The following TNS1 variants were observed in gnomAD, a reference collection of about 807,000 sequenced individuals.
The protein encoded by TNS1 is tensin-1.
TNS1 carries 62 observed loss-of-function variants against 168.6 expected under a neutral mutation model. The ratio of observed to expected loss-of-function variants is 0.37; its 90% CI spans 0.30 to 0.45. TNS1 has a LOEUF of 0.45. Among genes scored for constraint, TNS1 ranks in the 20% least tolerant of loss-of-function variants. TNS1 has a pLI of 1.00. For missense variants in TNS1, 2,240 were observed against 2,339.4 expected, an observed-to-expected ratio of 0.96 and a Z score of 0.88; for synonymous variants, 934 against 933.2, an observed-to-expected ratio of 1.00 and a Z score of -0.02.
chr2:217,863,842 G>C (rs1046791042), intron 18 of TNS1, among the ~76,000 whole-genome samples: 1 of 152,178 alleles, frequency 6.6e-6, no homozygotes, highest in Non-Finnish European at 1.5e-5. Flanking sequence ...TGGGGATAGA[G>C]GGAGGAAGGG....
chr2:217,878,485 G>C (rs75023602), intron 18 of TNS1, among the ~76,000 whole-genome samples: 4,037 of 152,206 alleles, frequency 0.027, 188 homozygotes, highest in African/African-American at 0.09. Flanking sequence ...TCCCCATTTG[G>C]ACATAATAAG....
chr2:217,811,529 C>T (rs1940903849), intron 28 of TNS1, among the ~76,000 whole-genome samples: 1 of 152,152 alleles, frequency 6.6e-6, no homozygotes, highest in Non-Finnish European at 1.5e-5. Flanking sequence ...AATCCTAGGG[C>T]CACAGCCTAG....
chr2:217,988,804 G>A (rs910937581), intron 2 of TNS1, among the ~76,000 whole-genome samples: 4 of 152,182 alleles, frequency 2.6e-5, no homozygotes, highest in African/African-American at 7.2e-5. Flanking sequence ...CCACTCCTGG[G>A]TGCCTTGACA....
At chr2:217,846,688 C>A (rs964105549) in intron 19 of TNS1, among the ~76,000 whole-genome samples, 1 of 152,228 alleles carries the variant, frequency 6.6e-6, no homozygotes, top group Admixed American at 6.5e-5. Context: ...GGAAGGGAAC[C>A]TCGCAGCTGT....
intron 18 of TNS1, among the ~76,000 whole-genome samples, chr2:217,855,578 C>G (rs974054078): frequency 2.0e-5 from 3 of 152,018 alleles, no homozygotes; most frequent in East Asian, 3.9e-4. Flanking sequence ...CTCTCTCTCT[C>G]TCCCTCTCCC....
intron 3 of TNS1, among the ~76,000 whole-genome samples, chr2:217,947,559 C>G (rs976625270): frequency 6.6e-6 from 1 of 152,054 alleles, no homozygotes; most frequent in Admixed American, 6.5e-5. Context: ...CCTGGAGCAA[C>G]AGAGAGGCCA....
intron 1 of TNS1, among the ~76,000 whole-genome samples, chr2:218,029,369 G>T (rs1017049999): frequency 6.6e-6 from 1 of 152,230 alleles, no homozygotes; most frequent in Non-Finnish European, 1.5e-5. Context: ...TCCGAGACAC[G>T]TGGGTCTTCC....
At chr2:218,027,968 A>C (rs1419804120) in intron 1 of TNS1, among the ~76,000 whole-genome samples, 1 of 152,168 alleles carries the variant, frequency 6.6e-6, no homozygotes, top group Non-Finnish European at 1.5e-5. Flanking sequence ...TGGCAGGAAG[A>C]GGTGGGTAAA....
chr2:217,891,066 T>C, intron 11 of TNS1, 21 bp from the exon 12 acceptor site: 2 of 1,613,586 alleles, frequency 1.2e-6, no homozygotes, highest in East Asian at 2.2e-5. Flanking sequence ...AGACAGGTGG[T>C]CAAAAGAGGC....
intron 18 of TNS1, among the ~76,000 whole-genome samples, chr2:217,857,705 C>T (rs182248105): frequency 1.9e-3 from 285 of 152,318 alleles, no homozygotes; most frequent in African/African-American, 6.6e-3. Flanking sequence ...TCTGCCCTGC[C>T]CTGGATGGCC....
chr2:218,022,634 C>T (rs1231074273), intron 1 of TNS1, among the ~76,000 whole-genome samples: 1 of 151,486 alleles, frequency 6.6e-6, no homozygotes, highest in Non-Finnish European at 1.5e-5. Context: ...GCCTCTGGCT[C>T]ACAGAGGGGG....
chr2:217,877,222 C>T lies in TNS1; in HGVS notation c.1429+3676G>A, dbSNP rs540501477. Among the ~76,000 whole-genome samples the T allele has an allele frequency of 2.2e-3, 336 of 152,280 alleles. 1 individual carries two copies. The highest frequency in any genetic ancestry group is 5.8e-3 in the South Asian group (28 of 4,812). On this transcript the variant is annotated intron_variant, in intron 18 of 32. Transcript: ENST00000682258. The stretch of plus-strand genomic sequence containing the variant: ...ACAGCTGGACCCGTCCCACCATAAA[C>T]GGGCTTCCCTTTGTGGTAGTGAGCC...
At chr2:217,895,098 GA>G in intron 8 of TNS1, 42 bp from the exon 9 acceptor site, 2 of 1,578,522 alleles carry the variant, frequency 1.3e-6, no homozygotes, top group Non-Finnish European at 1.7e-6. Flanking sequence ...AGGTGAGGGT[GA>G]GGAGGGCGGC....
At chr2:217,960,819 C>T (rs1957477603) in intron 3 of TNS1, among the ~76,000 whole-genome samples, 1 of 152,126 alleles carries the variant, frequency 6.6e-6, no homozygotes, top group African/African-American at 2.4e-5. Context: ...CGATCTGTTT[C>T]CCCCTAGGCT....
intron 12 of TNS1, among the ~76,000 whole-genome samples, chr2:217,889,575 C>T (rs1951543234): frequency 2.0e-5 from 3 of 152,238 alleles, no homozygotes; most frequent in South Asian, 2.1e-4. Context: ...TCTCATGTTA[C>T]ACGTCACCTT....
chr2:217,896,840 T>C (rs2125730664), intron 8 of TNS1, among the ~76,000 whole-genome samples: 1 of 152,370 alleles, frequency 6.6e-6, no homozygotes, highest in Admixed American at 6.5e-5. Flanking sequence ...TGCATATACT[T>C]CCGTAGACTT....
Position 217,880,255 on chromosome 2 carries a change from C to T in TNS1, c.1429+643G>A, listed in dbSNP as rs533774576. 1.3e-5 allele frequency among the ~76,000 whole-genome samples: 2 copies of T among 151,914 alleles called. No homozygotes were observed. The highest frequency in any genetic ancestry group is 1.3e-4 in the Admixed American group (2 of 15,294). ...AAGAGACGACCTGAGTTGCAGTGGA[C>T]CATTTGACATAATGTTAGGTTTGTA... On this transcript the variant is annotated intron_variant, in intron 18 of 32. Coordinates refer to ENST00000682258, the MANE Select transcript of TNS1 (RefSeq NM_001387777.1). This position sits in a 1 kb window ranked among gnomAD's most constrained non-coding sequence, Gnocchi z 4.2.
Position 217,880,769 on chromosome 2 carries a change from G to T in TNS1, c.1429+129C>A. On this transcript the variant is annotated intron_variant, in intron 18 of 32. Coordinates refer to ENST00000682258, the MANE Select transcript of TNS1 (RefSeq NM_001387777.1). This position sits in a 1 kb window ranked among gnomAD's most constrained non-coding sequence, Gnocchi z 4.2. ...CCCAGTTAACGGTGAGCTCTCGGAG[G>T]TACCTCACACTTCCCCTCTGCCTCC... 1.4e-6 allele frequency: 1 copy of T among 705,630 alleles called. No individual in the cohort carries two copies. The highest frequency in any genetic ancestry group is 2.5e-6 in the Non-Finnish European group (1 of 396,814). 43.7% of individuals were successfully genotyped at this position (705,630 alleles called of 1,614,324 possible). A position where few individuals can be genotyped will look rare whatever the true frequency, so the allele number is the denominator to read the frequency against.
chr2:217,895,204 C>T lies in TNS1; in HGVS notation c.544-148G>A, dbSNP rs137880432. 9.6e-4 allele frequency: 750 copies of T among 782,668 alleles called. 6 individuals are homozygous for T. In the African/African-American group the frequency reaches 0.011, roughly 12 times the overall value. 48.5% of individuals were successfully genotyped at this position (782,668 alleles called of 1,614,324 possible). On this transcript the variant is annotated intron_variant, in intron 8 of 32. Coordinates refer to ENST00000682258, the MANE Select transcript of TNS1 (RefSeq NM_001387777.1). Reference sequence around the variant, plus strand: ...GAGCCCACGACAGCATCCAGCAGAGCGTCAATGTCCTCTCACGGCCAGGGG... The same window carrying T: ...GAGCCCACGACAGCATCCAGCAGAGTGTCAATGTCCTCTCACGGCCAGGGG...
Sources: allele counts gnomAD v4.1 joint callset (sites outside exome capture counted in the v4.1 genomes callset), GRCh38; gene constraint gnomAD v4.1.1; non-coding constraint Gnocchi (gnomAD v3.1); transcripts MANE v1.5; gene names NCBI Gene and HGNC (gene_info 2026-07-23, HGNC 2026-07-21).